Variants in RAB38 observed in about 807,000 individuals in gnomAD.
RAB38 encodes RAB38, member RAS oncogene family, also known as ras-related protein Rab-38.
A neutral mutation model predicts 18.4 loss-of-function variants in RAB38; 15 were observed. That is an observed-to-expected ratio of 0.82 (90% CI 0.55 to 1.26). RAB38 has a LOEUF of 1.26. Ranked by LOEUF, RAB38 falls within the 50% of genes most tolerant of loss-of-function variation. RAB38 has a pLI of 0.00. For synonymous variants in RAB38, 101 were observed against 104.4 expected (o/e 0.97, Z 0.20); for missense variants, 294 against 267.4 (o/e 1.10, Z -0.69).
At chr11:87,889,944 G>A in the RAB38 span, among the ~76,000 whole-genome samples, 3 of 151,454 alleles carry the variant, frequency 2.0e-5, no homozygotes, top group Non-Finnish European at 4.4e-5. Flanking sequence ...CTAAATGTTC[G>A]TTGATGATAT....
chr11:87,886,148 T>G, the RAB38 span, among the ~76,000 whole-genome samples: 1 of 151,974 alleles, frequency 6.6e-6, no homozygotes, highest in Non-Finnish European at 1.5e-5. Context: ...CTCCCAGATC[T>G]AAGGGCCTTT....
the RAB38 span, chr11:88,098,112 TAA>T: frequency 6.6e-6 from 1 of 151,902 alleles, no homozygotes; most frequent in Non-Finnish European, 1.5e-5. Context: ...CATAAATAAA[TAA>T]ATAGAGTCTT....
the RAB38 span, among the ~76,000 whole-genome samples, chr11:88,019,509 A>G: frequency 2.6e-5 from 4 of 152,322 alleles, no homozygotes; most frequent in African/African-American, 9.6e-5. Context: ...AATCCCAAGC[A>G]ATAAATGGAA....
intron 2 of RAB38, among the ~76,000 whole-genome samples, chr11:88,118,142 C>T (rs533947705): frequency 1.5e-3 from 228 of 152,272 alleles, no homozygotes; most frequent in Middle Eastern, 3.4e-3. Context: ...ATCTCAGCTC[C>T]CCCCCAAATA....
the RAB38 span, among the ~76,000 whole-genome samples, chr11:88,027,607 G>T: frequency 6.6e-6 from 1 of 152,226 alleles, no homozygotes; most frequent in Non-Finnish European, 1.5e-5. Flanking sequence ...CGCCCATGGA[G>T]TCTCGCTGAT....
chr11:88,161,663 T>A (rs302652), intron 1 of RAB38, among the ~76,000 whole-genome samples: 33,984 of 152,028 alleles, frequency 0.22, 4,175 homozygotes, highest in Middle Eastern at 0.28. Flanking sequence ...ATCATGTATT[T>A]GTGAATTAGT....
At chr11:88,006,085 C>T in the RAB38 span, among the ~76,000 whole-genome samples, 11 of 151,266 alleles carry the variant, frequency 7.3e-5, no homozygotes, top group Admixed American at 7.2e-4. Context: ...AACAGCTCAA[C>T]AACAAAACAT....
At chr11:88,021,654 G>A in the RAB38 span, among the ~76,000 whole-genome samples, 1 of 148,922 alleles carries the variant, frequency 6.7e-6, no homozygotes, top group African/African-American at 2.5e-5. Flanking sequence ...GCAGTGGCAC[G>A]ATCTTGGCTC....
At chr11:88,026,562 C>CAAAAA in the RAB38 span, among the ~76,000 whole-genome samples, 3 of 54,246 alleles carry the variant, frequency 5.5e-5, no homozygotes, top group African/African-American at 6.8e-5. Flanking sequence ...GACTCTGTCA[C>CAAAAA]AAAAAAAAAA....
the RAB38 span, chr11:88,050,296 A>C: frequency 6.6e-6 from 1 of 152,230 alleles, no homozygotes; most frequent in Non-Finnish European, 1.5e-5. Context: ...ATAGGAAGGA[A>C]GAGGAAATCC....
chr11:88,139,818 T>TA (rs1161385372), intron 2 of RAB38, among the ~76,000 whole-genome samples: 1 of 152,190 alleles, frequency 6.6e-6, no homozygotes, highest in Non-Finnish European at 1.5e-5. Flanking sequence ...ATGGAATAGA[T>TA]AGAGTGCTAG....
the RAB38 span, among the ~76,000 whole-genome samples, chr11:88,047,296 C>A: frequency 3.9e-5 from 6 of 152,210 alleles, no homozygotes; most frequent in Admixed American, 2.0e-4. Context: ...ATGACTGTAT[C>A]TCTCTGATCC....
At chr11:88,040,946 C>G in the RAB38 span, among the ~76,000 whole-genome samples, 2 of 152,174 alleles carry the variant, frequency 1.3e-5, no homozygotes, top group Non-Finnish European at 2.9e-5. Context: ...CCAGTTTAAT[C>G]AAATCTAATG....
chr11:88,035,564 T>C, the RAB38 span, among the ~76,000 whole-genome samples: 22 of 152,136 alleles, frequency 1.4e-4, no homozygotes, highest in Middle Eastern at 3.2e-3. Flanking sequence ...CTGACAAACT[T>C]GGAGTCCAAT....
the RAB38 span, among the ~76,000 whole-genome samples, chr11:87,900,013 T>A: frequency 2.6e-5 from 4 of 151,570 alleles, no homozygotes; most frequent in Non-Finnish European, 5.9e-5. Context: ...AAATATTTAC[T>A]GACTTATCTC....
At chr11:88,155,203 C>T (rs1048088383) in intron 1 of RAB38, among the ~76,000 whole-genome samples, 3 of 152,220 alleles carry the variant, frequency 2.0e-5, no homozygotes, top group Non-Finnish European at 4.4e-5. Flanking sequence ...TCTGGCCCCA[C>T]CCATTGTGGA....
chr11:88,098,689 CT>C, the RAB38 span: 12 of 151,896 alleles, frequency 7.9e-5, no homozygotes, highest in Non-Finnish European at 1.5e-4. Flanking sequence ...ACAGAAGCAC[CT>C]CTGAGACTCA....
At chr11:88,038,390 T>C in the RAB38 span, among the ~76,000 whole-genome samples, 1 of 152,108 alleles carries the variant, frequency 6.6e-6, no homozygotes, top group East Asian at 1.9e-4. Flanking sequence ...CTCTGGGAGG[T>C]AGATGGTATA....
the RAB38 span, among the ~76,000 whole-genome samples, chr11:88,010,977 C>T: frequency 6.6e-6 from 1 of 152,298 alleles, no homozygotes; most frequent in South Asian, 2.1e-4. Context: ...CTGTTAACCC[C>T]TTCTGCCTCC....
Sources: allele counts gnomAD v4.1 joint callset (sites outside exome capture counted in the v4.1 genomes callset), GRCh38; gene constraint gnomAD v4.1.1; transcripts MANE v1.5; gene names NCBI Gene and HGNC (gene_info 2026-07-23, HGNC 2026-07-21).